Variants in SHISA6 observed in about 807,000 individuals in gnomAD.
SHISA6 encodes the protein protein shisa-6.
A neutral mutation model predicts 47.9 loss-of-function variants in SHISA6; 22 were observed. The ratio of observed to expected loss-of-function variants is 0.46; its 90% confidence interval spans 0.33 to 0.66. The LOEUF (loss-of-function observed/expected upper bound fraction) is 0.66. Among genes scored for constraint, SHISA6 ranks in the 30% least tolerant of loss-of-function variants. The pLI is 0.02. For missense variants in SHISA6, 680 were observed against 764.6 expected, an observed-to-expected ratio of 0.89 and a Z score of 1.30; for synonymous variants, 388 against 337.8, an observed-to-expected ratio of 1.15 and a Z score of -1.63.
intron 2 of SHISA6, among the ~76,000 whole-genome samples, chr17:11,350,415 T>C (rs1911848214): frequency 6.6e-6 from 1 of 151,442 alleles, no homozygotes; most frequent in East Asian, 2.0e-4. Context: ...CTCCTGACCT[T>C]GTGATCCACC....
At chr17:11,372,902 A>G (rs1912674061) in intron 2 of SHISA6, among the ~76,000 whole-genome samples, 1 of 152,028 alleles carries the variant, frequency 6.6e-6, no homozygotes, top group Non-Finnish European at 1.5e-5. Flanking sequence ...AAGATGGAGA[A>G]TTGCTCCCCC....
At chr17:11,509,519 C>T (rs1272745874) in intron 3 of SHISA6, among the ~76,000 whole-genome samples, 1 of 152,194 alleles carries the variant, frequency 6.6e-6, no homozygotes, top group Non-Finnish European at 1.5e-5. Context: ...GAACACTTTC[C>T]ATGAACTGTG....
chr17:11,246,384 G>A (rs1907593761), intron 1 of SHISA6, among the ~76,000 whole-genome samples: 2 of 152,204 alleles, frequency 1.3e-5, no homozygotes, highest in South Asian at 4.1e-4. Flanking sequence ...CAGCTACTCG[G>A]GAGGCTGAGG....
At chr17:11,388,825 T>TATATATATATATATAAA (rs1913289498) in intron 3 of SHISA6, among the ~76,000 whole-genome samples, 1 of 101,132 alleles carries the variant, frequency 9.9e-6, no homozygotes, top group African/African-American at 4.3e-5. Context: ...TATATATATA[T>TATATATATATATATAAA]ATATATATAT....
chr17:11,388,916 TG>T (rs544486095), intron 3 of SHISA6, among the ~76,000 whole-genome samples: 245 of 150,712 alleles, frequency 1.6e-3, no homozygotes, highest in African/African-American at 5.7e-3. Context: ...TCAGCCATTT[TG>T]CCTAAGGGCA....
At chr17:11,293,236 T>C (rs1909619059) in intron 2 of SHISA6, among the ~76,000 whole-genome samples, 1 of 152,180 alleles carries the variant, frequency 6.6e-6, no homozygotes, top group African/African-American at 2.4e-5. Flanking sequence ...AGGAGCTTTT[T>C]TTCGCAGGTC....
intron 3 of SHISA6, among the ~76,000 whole-genome samples, chr17:11,490,629 A>G (rs1398940841): frequency 6.6e-6 from 1 of 152,148 alleles, no homozygotes; most frequent in African/African-American, 2.4e-5. Flanking sequence ...GCCGGTGGTG[A>G]CTTCGGATCC....
chr17:11,246,092 G>T (rs1258866779), intron 1 of SHISA6, among the ~76,000 whole-genome samples: 1 of 152,066 alleles, frequency 6.6e-6, no homozygotes, highest in Admixed American at 6.5e-5. Flanking sequence ...ATAGAGAGTC[G>T]ACTTATTTTT....
rs190938341 is a variant in SHISA6, at chr17:11,262,305, C to T, written c.639-1061C>T. Among the ~76,000 whole-genome samples, 904 of 152,254 alleles carry T rather than the reference C, an allele frequency of 5.9e-3. 14 individuals are homozygous for T. The highest frequency in any genetic ancestry group is 0.021 in the African/African-American group (878 of 41,542). On this transcript the variant is annotated intron_variant, in intron 1 of 5. Coordinates refer to ENST00000441885, the MANE Select transcript of SHISA6 (RefSeq NM_207386.4). ...AAGCCTTGGGGTGGGCAGGGCCCCACCCATCAGAGACACCCCTCGAGAAGA... is the reference window on the plus strand; with the variant it reads ...AAGCCTTGGGGTGGGCAGGGCCCCATCCATCAGAGACACCCCTCGAGAAGA...
chr17:11,274,553 A>G (rs1182859250), intron 2 of SHISA6, among the ~76,000 whole-genome samples: 1 of 152,148 alleles, frequency 6.6e-6, no homozygotes, highest in Non-Finnish European at 1.5e-5. Flanking sequence ...CCCAGCCTCC[A>G]TCTGAGTGGC....
chr17:11,506,156 G>A (rs1452489675), intron 3 of SHISA6, among the ~76,000 whole-genome samples: 1 of 152,192 alleles, frequency 6.6e-6, no homozygotes, highest in Non-Finnish European at 1.5e-5. Flanking sequence ...CATTCTCTGA[G>A]TGACAGACAC....
At chr17:11,532,271 C>T (rs544583998) in intron 3 of SHISA6, among the ~76,000 whole-genome samples, 4 of 152,276 alleles carry the variant, frequency 2.6e-5, no homozygotes, top group South Asian at 4.1e-4. Flanking sequence ...GATCAAGCCA[C>T]GTATACCATA....
chr17:11,245,867 A>T (rs1421575513), intron 1 of SHISA6, among the ~76,000 whole-genome samples: 1 of 152,158 alleles, frequency 6.6e-6, no homozygotes, highest in Non-Finnish European at 1.5e-5. Context: ...TTCTAGAAGA[A>T]GTCAAGGGAA....
At chr17:11,423,212 T>C (rs1309305078) in intron 3 of SHISA6, among the ~76,000 whole-genome samples, 1 of 122,536 alleles carries the variant, frequency 8.2e-6, no homozygotes, top group Admixed American at 8.4e-5. Context: ...GTAACATATA[T>C]GTATGTGTGT....
chr17:11,361,673 A>G (rs370401033), intron 2 of SHISA6, among the ~76,000 whole-genome samples: 2 of 152,236 alleles, frequency 1.3e-5, no homozygotes, highest in African/African-American at 4.8e-5. Flanking sequence ...TGGATAAAAC[A>G]TGAACATTCC....
chr17:11,550,129 A>G lies in SHISA6; in HGVS notation c.896-1767A>G, dbSNP rs376164021. Among the ~76,000 whole-genome samples the G allele has an allele frequency of 3.3e-5, 5 of 151,284 alleles. No individual in the cohort carries two copies. In the South Asian group the frequency reaches 1.0e-3, roughly 32 times the overall value. On this transcript the variant is annotated intron_variant, in intron 3 of 5. Transcript: ENST00000441885. ...GAGTGCAGTGGCGCGATCTCGGCTC[A>G]CTGCAACCTCTGCCTCCCAGGTTCA...
At chr17:11,323,357 A>G (rs1910771360) in intron 2 of SHISA6, among the ~76,000 whole-genome samples, 2 of 152,112 alleles carry the variant, frequency 1.3e-5, no homozygotes, top group Admixed American at 6.5e-5. Flanking sequence ...TCAAATACAT[A>G]TAATAATAAC....
At position 11,558,287 on chromosome 17, in the gene SHISA6, AC is replaced by A. The variant is rs1407800791; in HGVS notation, c.1641del (p.Glu548LysfsTer2). The A allele has an allele frequency of 7.8e-6, 12 of 1,538,436 alleles. No individual in the cohort carries two copies. The highest frequency in any genetic ancestry group is 1.4e-5 in the African/African-American group (1 of 73,026). On this transcript the variant is annotated frameshift_variant, in exon 6 of 6. Transcript: ENST00000441885. LOFTEE classifies it high-confidence loss of function. ...CCACACCTGCTACACAGCCAGCAAG[AC>A]CGAAGTGACCGTGTGACCGGCGGGG... The part of the protein sequence containing the change: ...GHHTCYTASK[T>X]EVTV
intron 2 of SHISA6, among the ~76,000 whole-genome samples, chr17:11,355,783 G>A (rs181722591): frequency 2.6e-4 from 39 of 152,280 alleles, no homozygotes; most frequent in African/African-American, 8.2e-4. Context: ...AAAGGCAGAT[G>A]GTGGGTCTGA....
Sources: gnomAD v4.1 joint callset for allele counts (sites outside exome capture counted in the v4.1 genomes callset) on GRCh38, gnomAD v4.1.1 for gene constraint, MANE v1.5 for transcripts, NCBI Gene and HGNC (gene_info 2026-07-23, HGNC 2026-07-21) for gene names.